HCRTR2: variants seen among roughly 807,000 people sequenced by gnomAD.
The protein encoded by HCRTR2 is orexin receptor type 2.
HCRTR2 carries 22 observed loss-of-function variants against 49.0 expected under a neutral mutation model. The ratio of observed to expected loss-of-function variants is 0.45; its 90% CI spans 0.32 to 0.64. The LOEUF (loss-of-function observed/expected upper bound fraction) is 0.64. Among genes scored for constraint, HCRTR2 ranks in the 30% least tolerant of loss-of-function variants. The probability of loss-of-function intolerance (pLI) is 0.04; values close to 1 mark genes in which losing one functional copy is unlikely to be tolerated. For missense variants in HCRTR2, 491 were observed against 559.4 expected (o/e 0.88, Z 1.23); for synonymous variants, 236 against 205.3 (o/e 1.15, Z -1.28).
At chr6:55,200,410 G>T (rs1339861891) in intron 1 of HCRTR2, among the ~76,000 whole-genome samples, 1 of 151,966 alleles carries the variant, frequency 6.6e-6, no homozygotes, top group Non-Finnish European at 1.5e-5. Flanking sequence ...GAGTACAGGC[G>T]CACACCACCA....
intron 1 of HCRTR2, among the ~76,000 whole-genome samples, chr6:55,162,964 A>C (rs1022067907): frequency 2.0e-5 from 3 of 152,092 alleles, no homozygotes; most frequent in Non-Finnish European, 2.9e-5. Flanking sequence ...TTAGTAAAAA[A>C]CTGGCCAGGC....
In HCRTR2 at chr6:55,185,396, AT is replaced by A. The variant is rs1266057417; in HGVS notation, c.223+10592del. On this transcript the variant is annotated intron_variant, in intron 1 of 6. Coordinates refer to ENST00000370862, the MANE Select transcript of HCRTR2 (RefSeq NM_001384272.1). ...ACCCTAGTTTATAGACGTATGTGTT[AT>A]TTTTTCCCCCAGGCATAATGAACTT... Among the ~76,000 whole-genome samples the A allele has an allele frequency of 2.6e-5, 4 of 152,268 alleles. No homozygotes were observed. The East Asian group carries it at 5.8e-4, about 22-fold the overall frequency.
intron 1 of HCRTR2, among the ~76,000 whole-genome samples, chr6:55,203,764 C>G (rs2127286309): frequency 6.6e-6 from 1 of 152,068 alleles, no homozygotes; most frequent in East Asian, 1.9e-4. Context: ...TAGATGCATA[C>G]CTTAGGTATA....
At chr6:55,175,015 C>T (rs1036508669) in intron 1 of HCRTR2, among the ~76,000 whole-genome samples, 4 of 152,050 alleles carry the variant, frequency 2.6e-5, no homozygotes, top group Non-Finnish European at 4.4e-5. Flanking sequence ...AAGGTTATTC[C>T]CTGTTTTGCA....
intron 1 of HCRTR2, among the ~76,000 whole-genome samples, chr6:55,214,245 C>A (rs1411254594): frequency 6.7e-6 from 1 of 149,382 alleles, no homozygotes; most frequent in Admixed American, 6.9e-5. Flanking sequence ...ATAGAGGCCC[C>A]AGAATTTCTA....
chr6:55,278,977 C>T (rs1450566640), intron 5 of HCRTR2, among the ~76,000 whole-genome samples: 1 of 151,788 alleles, frequency 6.6e-6, no homozygotes, highest in Non-Finnish European at 1.5e-5. Flanking sequence ...AGAACTTGCT[C>T]TTTCCTTTTA....
intron 1 of HCRTR2, among the ~76,000 whole-genome samples, chr6:55,212,317 C>T (rs2127292493): frequency 6.6e-6 from 1 of 152,202 alleles, no homozygotes; most frequent in East Asian, 1.9e-4. Flanking sequence ...CATTCCATTC[C>T]CCCTTTTTTA....
intron 1 of HCRTR2, among the ~76,000 whole-genome samples, chr6:55,238,617 AAGAT>A (rs1461756234): frequency 6.6e-6 from 1 of 152,154 alleles, no homozygotes; most frequent in Non-Finnish European, 1.5e-5. Context: ...GTTTAATTGA[AAGAT>A]AGAACATCTA....
intron 1 of HCRTR2, among the ~76,000 whole-genome samples, chr6:55,221,706 A>G (rs899245496): frequency 2.0e-4 from 30 of 151,888 alleles, no homozygotes; most frequent in Admixed American, 1.0e-3. Context: ...CCAACTACTC[A>G]GGAGGCTGAG....
intron 2 of HCRTR2, among the ~76,000 whole-genome samples, chr6:55,251,891 A>G (rs1036381224): frequency 6.6e-6 from 1 of 152,084 alleles, no homozygotes; most frequent in African/African-American, 2.4e-5. Context: ...CTCAACATTC[A>G]TAATCCACAC....
At chr6:55,205,981 A>T (rs984487169) in intron 1 of HCRTR2, among the ~76,000 whole-genome samples, 8 of 152,084 alleles carry the variant, frequency 5.3e-5, no homozygotes, top group Admixed American at 4.6e-4. Flanking sequence ...TACCCACAAA[A>T]ATTAGAAATA....
rs181540045 is a variant in HCRTR2 at position 55,137,749 on chromosome 6, A to C, written c.-378+31204A>C. 3.9e-5 allele frequency among the ~76,000 whole-genome samples: 6 copies of C among 152,362 alleles called. No homozygotes were observed. In the East Asian group the frequency reaches 1.2e-3, roughly 29 times the overall value. On this transcript the variant is annotated intron_variant, in intron 1 of 7. Transcript: ENST00000615358. ...GCTGGCCAACTACAAAAAAGACAGA[A>C]TATTAACACTTTACCTACTGGGTAA...
upstream of HCRTR2, among the ~76,000 whole-genome samples, chr6:55,173,974 C>A (rs571560222): frequency 6.6e-6 from 1 of 152,180 alleles, no homozygotes; most frequent in South Asian, 2.1e-4. Context: ...ACAGAGGCAC[C>A]TCCTTATTGC....
chr6:55,107,895 C>T (rs1399799124), intron 1 of HCRTR2, among the ~76,000 whole-genome samples: 1 of 152,172 alleles, frequency 6.6e-6, no homozygotes, highest in East Asian at 1.9e-4. Context: ...ATGGGTGTTT[C>T]TAAATACCCT....
At chr6:55,109,325 C>G (rs1029401252) in intron 1 of HCRTR2, among the ~76,000 whole-genome samples, 1 of 151,900 alleles carries the variant, frequency 6.6e-6, no homozygotes, top group Non-Finnish European at 1.5e-5. Flanking sequence ...TTTAACAACC[C>G]CAGAAGATCA....
At chr6:55,186,438 G>A (rs1162564625) in intron 1 of HCRTR2, among the ~76,000 whole-genome samples, 2 of 152,086 alleles carry the variant, frequency 1.3e-5, no homozygotes, top group African/African-American at 2.4e-5. Context: ...AAGACCATTT[G>A]AAAATCTTTC....
At chr6:55,111,356 A>G (rs568506550) in intron 1 of HCRTR2, among the ~76,000 whole-genome samples, 1 of 152,026 alleles carries the variant, frequency 6.6e-6, no homozygotes, top group South Asian at 2.1e-4. Flanking sequence ...CAAAAAACAT[A>G]AGATAAATGA....
At chr6:55,145,156 T>A (rs1050616642) in intron 1 of HCRTR2, among the ~76,000 whole-genome samples, 1 of 152,178 alleles carries the variant, frequency 6.6e-6, no homozygotes, top group African/African-American at 2.4e-5. Context: ...TTTTACTCAT[T>A]TACCTTGTCT....
intron 3 of HCRTR2, among the ~76,000 whole-genome samples, chr6:55,255,972 A>G (rs1040915226): frequency 1.3e-5 from 2 of 152,188 alleles, no homozygotes; most frequent in African/African-American, 2.4e-5. Flanking sequence ...TTATGAATCA[A>G]TCTGGTTTCC....
Sources: allele counts gnomAD v4.1 joint callset (sites outside exome capture counted in the v4.1 genomes callset), GRCh38; gene constraint gnomAD v4.1.1; transcripts MANE v1.5; gene names NCBI Gene and HGNC (gene_info 2026-07-23, HGNC 2026-07-21).